The following ZNF804A variants were observed in gnomAD, a reference collection of about 807,000 sequenced individuals.
The protein encoded by ZNF804A is zinc finger protein 804A.
ZNF804A carries 2 observed loss-of-function variants against 16.5 expected under a neutral mutation model. The ratio of observed to expected loss-of-function variants is 0.12; its 90% CI spans 0.05 to 0.38. The LOEUF is 0.38. Ranked by LOEUF, ZNF804A falls within the 10% of genes least tolerant of loss-of-function variation. The pLI is 0.99. For missense variants in ZNF804A, 1,473 were observed against 1,390.7 expected (o/e 1.06, Z -0.94); for synonymous variants, 534 against 489.6 (o/e 1.09, Z -1.20).
At chr2:184,930,415 TGG>T (rs1685678836) in intron 2 of ZNF804A, among the ~76,000 whole-genome samples, 1 of 152,210 alleles carries the variant, frequency 6.6e-6, no homozygotes, top group African/African-American at 2.4e-5. Flanking sequence ...AATTCTACTC[TGG>T]AAAGTCTTAT....
intron 1 of ZNF804A, among the ~76,000 whole-genome samples, chr2:184,801,165 T>A (rs1184989485): frequency 6.6e-6 from 1 of 152,164 alleles, no homozygotes; most frequent in East Asian, 1.9e-4. Context: ...TAATTTCTGT[T>A]GACAATTGTC....
Position 184,937,349 on chromosome 2 carries a change from C to G in ZNF804A, c.1953C>G (p.Asp651Glu). 6 of 1,613,818 alleles carry G rather than the reference C, an allele frequency of 3.7e-6. No individual in the cohort carries two copies. The highest frequency in any genetic ancestry group is 5.1e-6 in the Non-Finnish European group (6 of 1,179,894). Residue 651 changes from aspartate (D) to glutamate (E), a missense_variant, in exon 4 of 4, where the codon GAC (aspartate) becomes GAG (glutamate). Physicochemically the swap from Asp to Glu is conservative, Grantham distance 45 (BLOSUM62 2). Transcript: ENST00000302277. ...ATTTAGCTGCAGAGCAATTATTAGACTCACATCAGTTACTTGATAAAAGGC... is the reference window on the plus strand; with the variant it reads ...ATTTAGCTGCAGAGCAATTATTAGAGTCACATCAGTTACTTGATAAAAGGC... ...KQYLAAEQLL[D>E]SHQLLDKRPK...
chr2:184,690,291 C>A (rs1397704555), intron 1 of ZNF804A, among the ~76,000 whole-genome samples: 4 of 151,650 alleles, frequency 2.6e-5, no homozygotes, highest in African/African-American at 9.7e-5. Context: ...TATTATTGGA[C>A]CCTAAATTTG....
At chr2:184,820,889 A>G (rs1695068367) in intron 1 of ZNF804A, among the ~76,000 whole-genome samples, 1 of 152,136 alleles carries the variant, frequency 6.6e-6, no homozygotes, top group African/African-American at 2.4e-5. Context: ...AAGAAGAACT[A>G]CAAACCACTG....
intron 1 of ZNF804A, among the ~76,000 whole-genome samples, chr2:184,731,498 C>G (rs949482448): frequency 6.9e-6 from 1 of 144,384 alleles, no homozygotes; most frequent in African/African-American, 2.6e-5. Flanking sequence ...TGTGGAACAT[C>G]TTTTTCTATG....
intron 1 of ZNF804A, among the ~76,000 whole-genome samples, chr2:184,710,898 A>G (rs1046520258): frequency 1.5e-4 from 23 of 151,784 alleles, no homozygotes; most frequent in Admixed American, 2.6e-4. Flanking sequence ...TTATTTGTCC[A>G]TTTATCCATT....
intron 1 of ZNF804A, among the ~76,000 whole-genome samples, chr2:184,792,770 C>CT (rs543811861): frequency 8.6e-5 from 13 of 151,054 alleles, no homozygotes; most frequent in South Asian, 4.2e-4. Context: ...AGGAGTTTTT[C>CT]TTTTTTTTTC....
chr2:184,775,467 T>C (rs1018242579), intron 1 of ZNF804A, among the ~76,000 whole-genome samples: 26 of 151,672 alleles, frequency 1.7e-4, no homozygotes, highest in African/African-American at 6.3e-4. Context: ...GCTATGAAAT[T>C]ATAGAGTGGC....
intron 1 of ZNF804A, among the ~76,000 whole-genome samples, chr2:184,675,191 C>T (rs1410185999): frequency 1.3e-5 from 2 of 151,724 alleles, no homozygotes; most frequent in African/African-American, 2.4e-5. Context: ...CACAAAGAGA[C>T]GTATGTTCAC....
intron 1 of ZNF804A, among the ~76,000 whole-genome samples, chr2:184,736,026 C>T (rs999229753): frequency 1.3e-5 from 2 of 152,122 alleles, no homozygotes; most frequent in African/African-American, 4.8e-5. Flanking sequence ...AGGAAATGTA[C>T]CGGATCCTGA....
chr2:184,754,902 A>G (rs182544582), intron 1 of ZNF804A, among the ~76,000 whole-genome samples: 88 of 151,980 alleles, frequency 5.8e-4, no homozygotes, highest in Non-Finnish European at 1.1e-3. Flanking sequence ...AGCAGGAGAG[A>G]GAGAGAAGAA....
At chr2:184,737,083 A>C (rs1453868124) in intron 1 of ZNF804A, among the ~76,000 whole-genome samples, 5 of 150,528 alleles carry the variant, frequency 3.3e-5, no homozygotes, top group Non-Finnish European at 7.4e-5. Context: ...TTGAGATGGA[A>C]TCTCACTTTG....
chr2:184,934,296 G>A (rs960492847), intron 3 of ZNF804A, among the ~76,000 whole-genome samples: 1 of 152,108 alleles, frequency 6.6e-6, no homozygotes, highest in African/African-American at 2.4e-5. Flanking sequence ...TATTAGGTGT[G>A]AACAGTGTTG....
At chr2:184,606,427 A>G (rs893676138) in intron 1 of ZNF804A, among the ~76,000 whole-genome samples, 1 of 152,170 alleles carries the variant, frequency 6.6e-6, no homozygotes, top group African/African-American at 2.4e-5. Flanking sequence ...CATGGGGGAA[A>G]CTGCCCCTAT....
intron 1 of ZNF804A, among the ~76,000 whole-genome samples, chr2:184,815,842 T>C (rs1332522752): frequency 2.0e-5 from 3 of 152,036 alleles, no homozygotes; most frequent in East Asian, 1.9e-4. Context: ...GGAAATGATA[T>C]CTGGAGTGCA....
At chr2:184,895,338 CAAT>C (rs1318943911) in intron 2 of ZNF804A, among the ~76,000 whole-genome samples, 2 of 152,016 alleles carry the variant, frequency 1.3e-5, no homozygotes, top group African/African-American at 2.4e-5. Context: ...CATGATTAAA[CAAT>C]AACTCAATAA....
Position 184,936,947 on chromosome 2 carries a change from A to T in ZNF804A, c.1551A>T (p.Lys517Asn). ...GLTDYEIGSS[K>N]NKCSQVTPLL... ...CTGATTATGAAATTGGAAGTAGCAA[A>T]AATAAATGCAGCCAAGTCACTCCTC... The change falls in exon 4 of 4, where the codon AAA (lysine) becomes AAT (asparagine). Residue 517 changes from lysine to asparagine, a missense_variant. Lys to Asn is a moderately conservative substitution (Grantham distance 94). Coordinates refer to ENST00000302277, the MANE Select transcript of ZNF804A (RefSeq NM_194250.2). The T allele has an allele frequency of 6.2e-7, 1 of 1,614,030 alleles. No individual in the cohort carries two copies. The highest frequency in any genetic ancestry group is 1.7e-5 in the Admixed American group (1 of 59,980).
At chr2:184,751,890 C>A (rs1693882785) in intron 1 of ZNF804A, among the ~76,000 whole-genome samples, 1 of 151,674 alleles carries the variant, frequency 6.6e-6, no homozygotes, top group African/African-American at 2.4e-5. Flanking sequence ...TGCTCAATAT[C>A]ACTAATCATG....
At chr2:184,866,209 T>A (rs1695874936) in intron 1 of ZNF804A, among the ~76,000 whole-genome samples, 160 bp from the exon 2 acceptor site, 1 of 152,244 alleles carries the variant, frequency 6.6e-6, no homozygotes. Flanking sequence ...ATTTTTAAGT[T>A]ATAATTTATT....
Sources: gnomAD v4.1 joint callset for allele counts (sites outside exome capture counted in the v4.1 genomes callset) on GRCh38, gnomAD v4.1.1 for gene constraint, MANE v1.5 for transcripts, NCBI Gene and HGNC (gene_info 2026-07-23, HGNC 2026-07-21) for gene names.